Variants in EPB41L2 observed in about 807,000 individuals in gnomAD.
EPB41L2 encodes band 4.1-like protein 2.
EPB41L2 carries 43 observed loss-of-function variants against 113.0 expected under a neutral mutation model. That is an observed-to-expected ratio of 0.38 (90% CI 0.30 to 0.49). EPB41L2 has a LOEUF of 0.49. Ranked by LOEUF, EPB41L2 falls within the 20% of genes least tolerant of loss-of-function variation. The probability of loss-of-function intolerance (pLI) is 0.95; values close to 1 mark genes in which losing one functional copy is unlikely to be tolerated. For synonymous variants in EPB41L2, 442 were observed against 436.7 expected (o/e 1.01, Z -0.15); for missense variants, 1,147 against 1,223.4 (o/e 0.94, Z 0.93).
At chr6:130,990,499 A>G (rs1781569627) in intron 1 of EPB41L2, among the ~76,000 whole-genome samples, 1 of 152,226 alleles carries the variant, frequency 6.6e-6, no homozygotes, top group Non-Finnish European at 1.5e-5. Flanking sequence ...ACAAATTAAA[A>G]GGCAGAGATT....
intron 19 of EPB41L2, among the ~76,000 whole-genome samples, chr6:130,844,771 G>C (rs939761797): frequency 6.6e-6 from 1 of 152,044 alleles, no homozygotes; most frequent in Non-Finnish European, 1.5e-5. Flanking sequence ...AGCTGGGCAC[G>C]GTGGTTCACT....
rs562624236 is a variant in EPB41L2, at chr6:130,895,889, C to T, written c.1237-770G>A. Among the ~76,000 whole-genome samples the T allele has an allele frequency of 3.3e-5, 5 of 152,250 alleles. No individual in the cohort carries two copies. The South Asian group carries it at 1.0e-3, about 32-fold the overall frequency. On this transcript the variant is annotated intron_variant, in intron 8 of 19. Coordinates refer to ENST00000337057, the MANE Select transcript of EPB41L2 (RefSeq NM_001431.4). ...ACAAATTTACAGGCAAAAGTGAAAA[C>T]CTGTCTCCTCACATTTCAAGTAGTG... is the stretch of plus-strand genomic sequence containing the variant.
At position 130,984,319 on chromosome 6, in the gene EPB41L2, T is replaced by C. The variant is rs187242547; in HGVS notation, c.-14-27820A>G. ...CCTAAAATAATGATAAAAAGTATAG[T>C]AAATACATAAACCAGTAACATAATC... is the stretch of plus-strand genomic sequence containing the variant. On this transcript the variant is annotated intron_variant, in intron 1 of 19. Transcript: ENST00000337057. Among the ~76,000 whole-genome samples, 357 of 152,342 alleles carry C rather than the reference T, an allele frequency of 2.3e-3. 2 individuals are homozygous for C. The highest frequency in any genetic ancestry group is 7.5e-3 in the African/African-American group (310 of 41,586).
chr6:130,912,898 A>G (rs1262186459), intron 4 of EPB41L2, among the ~76,000 whole-genome samples: 2 of 152,210 alleles, frequency 1.3e-5, no homozygotes, highest in Non-Finnish European at 2.9e-5. Context: ...GAAAAGAAAA[A>G]AAAAGTCCCC....
At chr6:130,973,355 A>G (rs1777400053) in intron 1 of EPB41L2, among the ~76,000 whole-genome samples, 1 of 152,120 alleles carries the variant, frequency 6.6e-6, no homozygotes, top group African/African-American at 2.4e-5. Context: ...ACAAAGGGGC[A>G]ATTTGGTGAG....
intron 1 of EPB41L2, among the ~76,000 whole-genome samples, chr6:131,025,390 A>G (rs1305219827): frequency 6.6e-6 from 1 of 152,194 alleles, no homozygotes; most frequent in Non-Finnish European, 1.5e-5. Flanking sequence ...GACTTGTTTT[A>G]AAGATGCTCA....
intron 1 of EPB41L2, among the ~76,000 whole-genome samples, chr6:131,016,271 G>C (rs1788175142): frequency 6.6e-6 from 1 of 152,052 alleles, no homozygotes; most frequent in South Asian, 2.1e-4. Flanking sequence ...GTTTTTAAAT[G>C]ATCTTTCCAG....
chr6:131,055,275 C>T (rs1008169496), intron 1 of EPB41L2, among the ~76,000 whole-genome samples: 1 of 152,114 alleles, frequency 6.6e-6, no homozygotes, highest in African/African-American at 2.4e-5. Context: ...AGTGCAAAAC[C>T]ACAGGAAAGG....
chr6:130,910,309 GA>G (rs1223651706), intron 4 of EPB41L2, among the ~76,000 whole-genome samples: 1 of 152,156 alleles, frequency 6.6e-6, no homozygotes, highest in Non-Finnish European at 1.5e-5. Context: ...ATGATGTTGG[GA>G]AAACTGGCTA....
chr6:130,867,451 T>C lies in EPB41L2; in HGVS notation c.2730+8A>G. 6.2e-7 allele frequency: 1 copy of C among 1,613,884 alleles called. No individual in the cohort carries two copies. Among genetic ancestry groups the C allele is most frequent in the Non-Finnish European group, 8.5e-7 (1 of 1,179,828 alleles). ...AGCTCGAACAGTCCAAGTCTAGAGC[T>C]TTTGTACCTGTGGAGACTCATATGT... is the stretch of plus-strand genomic sequence containing the variant. On this transcript the variant is annotated splice_region_variant and intron_variant, in intron 16 of 19. Transcript: ENST00000337057.
intron 1 of EPB41L2, among the ~76,000 whole-genome samples, chr6:131,027,484 C>T (rs1584628170): frequency 2.0e-5 from 3 of 152,310 alleles, no homozygotes; most frequent in East Asian, 1.9e-4. Flanking sequence ...TGGGTCTCAG[C>T]GGGCTGTTGC....
intron 1 of EPB41L2, among the ~76,000 whole-genome samples, chr6:131,033,122 C>T (rs1792555772): frequency 2.0e-5 from 3 of 152,078 alleles, no homozygotes; most frequent in Non-Finnish European, 2.9e-5. Context: ...GATTCATCTG[C>T]CTCGGCCTCC....
intron 1 of EPB41L2, among the ~76,000 whole-genome samples, chr6:131,035,116 G>A (rs1793020340): frequency 6.6e-6 from 1 of 152,162 alleles, no homozygotes; most frequent in South Asian, 2.1e-4. Context: ...AAGCATCCGA[G>A]ACCTCTGTTG....
intron 1 of EPB41L2, among the ~76,000 whole-genome samples, chr6:131,037,165 A>G (rs950310712): frequency 2.0e-5 from 3 of 152,224 alleles, no homozygotes; most frequent in Admixed American, 2.0e-4. Flanking sequence ...TACAACTTTC[A>G]TTTCATTTAC....
At chr6:130,910,454 G>A (rs1799021791) in intron 4 of EPB41L2, among the ~76,000 whole-genome samples, 1 of 152,130 alleles carries the variant, frequency 6.6e-6, no homozygotes, top group African/African-American at 2.4e-5. Flanking sequence ...TACCATTCAG[G>A]ACATAGGCAT....
In EPB41L2 at chr6:130,933,991, C is replaced by A. The variant is rs2128568823; in HGVS notation, c.706-7282G>T. 1.3e-5 allele frequency among the ~76,000 whole-genome samples: 2 copies of A among 152,254 alleles called. 1 individual carries two copies. Among genetic ancestry groups the A allele is most frequent in the Middle Eastern group, 6.8e-3 (2 of 294 alleles). On this transcript the variant is annotated intron_variant, in intron 3 of 19. Transcript: ENST00000337057. ...GCACAATGCAATCTATACATTACAG[C>A]CCTGAAGCTATGTATTTTGCACTAG...
At chr6:130,892,950 G>C (rs753000429) in intron 10 of EPB41L2, among the ~76,000 whole-genome samples, 4 of 152,124 alleles carry the variant, frequency 2.6e-5, no homozygotes, top group Non-Finnish European at 4.4e-5. Context: ...TAGACCATAA[G>C]TCCAGAGCAA....
intron 1 of EPB41L2, among the ~76,000 whole-genome samples, chr6:131,037,598 T>TC (rs1219044147): frequency 6.7e-6 from 1 of 150,024 alleles, no homozygotes; most frequent in Admixed American, 6.6e-5. Context: ...TTTTTTTTTT[T>TC]TTTTTTTTAA....
At chr6:130,939,644 G>T (rs9492762) in intron 3 of EPB41L2, among the ~76,000 whole-genome samples, 18,609 of 152,000 alleles carry the variant, frequency 0.12, 1,465 homozygotes, top group African/African-American at 0.2. Flanking sequence ...AAAATAAAAC[G>T]GATTATCTAG....
Sources: allele counts gnomAD v4.1 joint callset (sites outside exome capture counted in the v4.1 genomes callset), GRCh38; gene constraint gnomAD v4.1.1; transcripts MANE v1.5; gene names NCBI Gene and HGNC (gene_info 2026-07-23, HGNC 2026-07-21).